CCDC92: variants seen among roughly 807,000 people sequenced by gnomAD.
The protein encoded by CCDC92 is coiled-coil domain-containing protein 92.
Under a neutral mutation model 24.9 loss-of-function variants are expected in CCDC92, and 12 were observed. The ratio of observed to expected loss-of-function variants is 0.48; its 90% CI spans 0.31 to 0.78. CCDC92 has a LOEUF of 0.78. Ranked by LOEUF, CCDC92 falls within the 30% of genes least tolerant of loss-of-function variation. The pLI is 0.05. For missense variants in CCDC92, 399 were observed against 439.4 expected, an observed-to-expected ratio of 0.91 and a Z score of 0.82; for synonymous variants, 193 against 196.3, an observed-to-expected ratio of 0.98 and a Z score of 0.14.
chr12:123,943,327 G>A lies in CCDC92; in HGVS notation c.181+20C>T, dbSNP rs57861885. ...CCCCATAGCCGCCCCCCGCCTGCCCGGGCCTGCTCCCCGATGTACCTGTGC... is the reference window on the plus strand; with the variant it reads ...CCCCATAGCCGCCCCCCGCCTGCCCAGGCCTGCTCCCCGATGTACCTGTGC... On this transcript the variant is annotated intron_variant, in intron 3 of 4. Coordinates refer to ENST00000238156, the MANE Select transcript of CCDC92 (RefSeq NM_025140.3). 4.4e-3 allele frequency: 7,106 copies of A among 1,608,072 alleles called. 77 individuals are homozygous for A. The highest frequency in any genetic ancestry group is 0.035 in the African/African-American group (2,651 of 74,990).
chr12:123,937,880 C>CTCACCACTCGGCCTCA lies in CCDC92; in HGVS notation c.224-51_224-50insTGAGGCCGAGTGGTGA. The CTCACCACTCGGCCTCA allele has an allele frequency of 6.5e-7, 1 of 1,548,864 alleles. No individual in the cohort carries two copies. The highest frequency in any genetic ancestry group is 8.7e-7 in the Non-Finnish European group (1 of 1,153,048). ...GGTGAAGAACTCATTAGACTGAGGCCGAGTGGTGAGGCCTATGGGGCAGGC... is the reference window on the plus strand; with the variant it reads ...GGTGAAGAACTCATTAGACTGAGGCCTCACCACTCGGCCTCAGAGTGGTGAGGCCTATGGGGCAGGC... On this transcript the variant is annotated intron_variant, in intron 4 of 4. Transcript: ENST00000238156. The surrounding 1 kb of genome is among the most constrained non-coding windows in gnomAD (Gnocchi z 8.4).
rs1349187927 is a variant in CCDC92, at chr12:123,944,274, T to C, written c.32A>G (p.Glu11Gly). ...TCACTCAGGGCCCCAGACTCTACCT[T>C]CATCGTAACTCGAGAAATGTGGTGA... MTSPHFSSYD[E>G]GPLDVSMAAT... The change falls in exon 2 of 5, where the codon GAA becomes GGA. Residue 11 changes from glutamate to glycine, a missense_variant and splice_region_variant. Glu to Gly is a moderately conservative substitution (Grantham distance 98, BLOSUM62 -2). Coordinates refer to ENST00000238156, the MANE Select transcript of CCDC92 (RefSeq NM_025140.3). 1 of 1,588,004 alleles carries C rather than the reference T, an allele frequency of 6.3e-7. No individual in the cohort carries two copies. The highest frequency in any genetic ancestry group is 8.6e-7 in the Non-Finnish European group (1 of 1,165,052).
intron 4 of CCDC92, among the ~76,000 whole-genome samples, chr12:123,940,482 A>G (rs1955650873): frequency 6.6e-6 from 1 of 152,166 alleles, no homozygotes; most frequent in Non-Finnish European, 1.5e-5. Context: ...TCCTGTGGGA[A>G]GGAGCTGGTA....
At chr12:123,957,693 T>C (rs955507819) in intron 1 of CCDC92, among the ~76,000 whole-genome samples, 2 of 142,204 alleles carry the variant, frequency 1.4e-5, no homozygotes, top group Non-Finnish European at 3.0e-5. Flanking sequence ...TTCTTTTTTT[T>C]TCCTTCTTTT....
rs1956592071 is a variant in CCDC92, at chr12:123,972,723, C to G, written c.-254G>C. On this transcript the variant is annotated 5_prime_UTR_variant, in exon 1 of 5. Transcript: ENST00000238156. Reference sequence around the variant, plus strand: ...CCGCCCGCCCGGCGCATCTCGCCCGCTCCCACCCCAGCGCTAGCCGCGGTG... The same window carrying G: ...CCGCCCGCCCGGCGCATCTCGCCCGGTCCCACCCCAGCGCTAGCCGCGGTG... 5.4e-5 allele frequency: 8 copies of G among 147,470 alleles called. No homozygotes were observed. In the South Asian group the frequency reaches 1.7e-3, roughly 31 times the overall value. The allele number at this position is 147,470 out of a possible 1,614,324, so 9.1% of individuals were successfully genotyped here. A position where few individuals can be genotyped will look rare whatever the true frequency, so the allele number is the denominator to read the frequency against.
At position 123,937,971 on chromosome 12, in the gene CCDC92, T is replaced by C; in HGVS notation, c.224-141A>G. 2.4e-6 allele frequency: 2 copies of C among 829,952 alleles called. No homozygotes were observed. Among genetic ancestry groups the C allele is most frequent in the South Asian group, 1.8e-5 (1 of 55,194 alleles). The allele number at this position is 829,952 out of a possible 1,614,324, so 51.4% of individuals were successfully genotyped here. A position where few individuals can be genotyped will look rare whatever the true frequency, so the allele number is the denominator to read the frequency against. ...ATGCAGAAGGCAGGGCTGTGGGGGC[T>C]CTGGAAAGACCCCTCCCCTCCCCGA... On this transcript the variant is annotated intron_variant, in intron 4 of 4. Transcript: ENST00000238156. This position sits in a 1 kb window ranked among gnomAD's most constrained non-coding sequence, Gnocchi z 8.4.
intron 1 of CCDC92, among the ~76,000 whole-genome samples, chr12:123,955,333 G>C (rs1393041994): frequency 6.6e-6 from 1 of 152,204 alleles, no homozygotes; most frequent in Non-Finnish European, 1.5e-5. Context: ...CTCAGATTGA[G>C]ATTACTGCCA....
At position 123,950,572 on chromosome 12, in the gene CCDC92, T is replaced by C. The variant is rs376753282; in HGVS notation, c.-59-6208A>G. Among the ~76,000 whole-genome samples the C allele has an allele frequency of 7.2e-4, 109 of 152,220 alleles. 1 individual carries two copies. Among genetic ancestry groups the C allele is most frequent in the African/African-American group, 2.3e-3 (97 of 41,546 alleles). On this transcript the variant is annotated intron_variant, in intron 1 of 4. Coordinates refer to ENST00000238156, the MANE Select transcript of CCDC92 (RefSeq NM_025140.3). ...GAAGAAAGCACAAGGTATTCCACTA[T>C]GTAGCATGTGCGTCCTGGTCCCTGG...
intron 4 of CCDC92, among the ~76,000 whole-genome samples, chr12:123,938,598 G>A (rs1036732856): frequency 1.3e-5 from 2 of 152,136 alleles, no homozygotes; most frequent in African/African-American, 4.8e-5. Context: ...TAAACCCTGG[G>A]TCACCATCCT....
intron 1 of CCDC92, among the ~76,000 whole-genome samples, chr12:123,968,854 A>G (rs1485229814): frequency 6.6e-6 from 1 of 152,276 alleles, no homozygotes; most frequent in African/African-American, 2.4e-5. Context: ...GAGAGTAACT[A>G]CTTTAAAAGA....
intron 1 of CCDC92, among the ~76,000 whole-genome samples, chr12:123,949,136 G>A (rs545090504): frequency 3.9e-5 from 6 of 152,346 alleles, no homozygotes; most frequent in South Asian, 2.1e-4. Flanking sequence ...AAGGCAGGGC[G>A]TCTGCTGCAG....
intron 1 of CCDC92, among the ~76,000 whole-genome samples, chr12:123,953,819 C>T (rs912259964): frequency 2.1e-5 from 3 of 141,968 alleles, no homozygotes; most frequent in Non-Finnish European, 1.6e-5. Context: ...AGCCAGGTGT[C>T]GTGGCATCCG....
rs747530799 is a variant in CCDC92, at chr12:123,937,324, T to G, written c.730A>C (p.Thr244Pro). ...GACTCCCTAGCCAGCAGAAATGGGG[T>G]GGGGTCGGGCATAGCATCCACTGGT... Reference protein sequence around the residue: ...REPVDAMPDPTPFLLARESAE... With the variant: ...REPVDAMPDPPPFLLARESAE... Residue 244 changes from threonine to proline, a missense_variant, in exon 5 of 5, where the codon ACC becomes CCC. Transcript: ENST00000238156. This position sits in a 1 kb window ranked among gnomAD's most constrained non-coding sequence, Gnocchi z 8.4. 1 of 1,613,578 alleles carries G rather than the reference T, an allele frequency of 6.2e-7. No individual in the cohort carries two copies. The highest frequency in any genetic ancestry group is 8.5e-7 in the Non-Finnish European group (1 of 1,179,970).
At chr12:123,938,622 C>A (rs1955595649) in intron 4 of CCDC92, among the ~76,000 whole-genome samples, 1 of 152,212 alleles carries the variant, frequency 6.6e-6, no homozygotes, top group Admixed American at 6.5e-5. Flanking sequence ...CCTCCTAACG[C>A]TGGCTGGCTG....
At chr12:123,953,259 A>G (rs1224644897) in intron 1 of CCDC92, among the ~76,000 whole-genome samples, 1 of 152,132 alleles carries the variant, frequency 6.6e-6, no homozygotes, top group Non-Finnish European at 1.5e-5. Flanking sequence ...AAAAAAAAAA[A>G]AAGTCATTTT....
chr12:123,965,334 C>G (rs1480221262), intron 1 of CCDC92, among the ~76,000 whole-genome samples: 1 of 152,198 alleles, frequency 6.6e-6, no homozygotes, highest in African/African-American at 2.4e-5. Flanking sequence ...GGGATGCAAT[C>G]TCTTCTCAAT....
intron 1 of CCDC92, among the ~76,000 whole-genome samples, chr12:123,950,589 G>A (rs1200827956): frequency 2.0e-5 from 3 of 152,128 alleles, no homozygotes; most frequent in Non-Finnish European, 4.4e-5. Context: ...TGTGCGTCCT[G>A]GTCCCTGGGA....
intron 1 of CCDC92, among the ~76,000 whole-genome samples, chr12:123,967,121 G>C (rs906599046): frequency 6.6e-6 from 1 of 152,046 alleles, no homozygotes; most frequent in African/African-American, 2.4e-5. Context: ...TTCCTCACTT[G>C]AAATCACATT....
At chr12:123,970,155 T>A (rs1956492995) in intron 1 of CCDC92, 1 of 151,964 alleles carries the variant, frequency 6.6e-6, no homozygotes, top group South Asian at 2.1e-4. Flanking sequence ...GAAGCCAGCA[T>A]AAGAAAACAA....
Sources: allele counts gnomAD v4.1 joint callset (sites outside exome capture counted in the v4.1 genomes callset), GRCh38; gene constraint gnomAD v4.1.1; non-coding constraint Gnocchi (gnomAD v3.1); transcripts MANE v1.5; gene names NCBI Gene and HGNC (gene_info 2026-07-23, HGNC 2026-07-21).